The following SMYD3 variants were observed in gnomAD, a reference collection of about 807,000 sequenced individuals.
The protein encoded by SMYD3 is SET and MYND domain containing 3.
In SMYD3, 36 loss-of-function variants were observed where a neutral mutation model predicts 57.7. That is an observed-to-expected ratio of 0.62 (90% CI 0.48 to 0.82). The LOEUF (loss-of-function observed/expected upper bound fraction) is 0.82, where lower values mean the gene tolerates loss of function less well. Among genes scored for constraint, SMYD3 ranks in the 40% least tolerant of loss-of-function variants. The probability of loss-of-function intolerance (pLI) is 0.00; values close to 1 mark genes in which losing one functional copy is unlikely to be tolerated. For synonymous variants in SMYD3, 211 were observed against 195.0 expected, an observed-to-expected ratio of 1.08 and a Z score of -0.68; for missense variants, 515 against 538.8, an observed-to-expected ratio of 0.96 and a Z score of 0.44.
At chr1:246,014,051 G>A (rs1323652481) in intron 5 of SMYD3, among the ~76,000 whole-genome samples, 3 of 152,240 alleles carry the variant, frequency 2.0e-5, no homozygotes, top group South Asian at 2.1e-4. Context: ...TCGGCCAGGC[G>A]TGGTGGCTCA....
chr1:246,478,615 G>A (rs1280640627), intron 1 of SMYD3, among the ~76,000 whole-genome samples: 1 of 114,950 alleles, frequency 8.7e-6, no homozygotes, highest in African/African-American at 4.0e-5. Flanking sequence ...CCTGGAGCTG[G>A]TACGTAAGTG....
chr1:246,082,363 C>T lies in SMYD3; in HGVS notation c.532-152426G>A, dbSNP rs114047069. Among the ~76,000 whole-genome samples the T allele has an allele frequency of 7.7e-3, 1,169 of 152,260 alleles. 20 individuals are homozygous for T. Among genetic ancestry groups the T allele is most frequent in the African/African-American group, 0.027 (1,118 of 41,540 alleles). ...AGTACCTAAGATTGGTCTTTCGAAA[C>T]GTTTTTCAGACGTTAGCATGCTGGC... is the stretch of plus-strand genomic sequence containing the variant. On this transcript the variant is annotated intron_variant, in intron 5 of 11. Coordinates refer to ENST00000490107, the MANE Select transcript of SMYD3 (RefSeq NM_001167740.2).
At chr1:245,874,271 T>G (rs2052373149) in intron 8 of SMYD3, among the ~76,000 whole-genome samples, 1 of 152,224 alleles carries the variant, frequency 6.6e-6, no homozygotes, top group South Asian at 2.1e-4. Context: ...AACATTTGTA[T>G]GTATAATGAT....
At chr1:246,334,361 A>G (rs1015192621) in intron 3 of SMYD3, among the ~76,000 whole-genome samples, 1 of 152,260 alleles carries the variant, frequency 6.6e-6, no homozygotes, top group African/African-American at 2.4e-5. Flanking sequence ...CATAAACACT[A>G]TGAAATACCA....
intron 5 of SMYD3, among the ~76,000 whole-genome samples, chr1:246,243,052 A>G (rs1044926790): frequency 6.6e-6 from 1 of 152,204 alleles, no homozygotes; most frequent in Non-Finnish European, 1.5e-5. Context: ...AATGAGACAG[A>G]AAGTTAACAA....
At chr1:246,317,013 A>T (rs2065172430) in intron 5 of SMYD3, among the ~76,000 whole-genome samples, 1 of 151,602 alleles carries the variant, frequency 6.6e-6, no homozygotes, top group Non-Finnish European at 1.5e-5. Context: ...ATAAATAAAT[A>T]AAATAAAAAT....
chr1:245,918,978 A>G (rs1558493486), intron 7 of SMYD3, among the ~76,000 whole-genome samples: 9 of 152,162 alleles, frequency 5.9e-5, no homozygotes. Context: ...GCCAAAACTC[A>G]TGAGTGATCT....
At chr1:245,970,111 G>T (rs2058259419) in intron 5 of SMYD3, among the ~76,000 whole-genome samples, 1 of 152,168 alleles carries the variant, frequency 6.6e-6, no homozygotes, top group Admixed American at 6.5e-5. Flanking sequence ...TACCAAAACA[G>T]ACGTATAGAC....
At chr1:246,067,734 G>C (rs1399703098) in intron 5 of SMYD3, among the ~76,000 whole-genome samples, 1 of 152,124 alleles carries the variant, frequency 6.6e-6, no homozygotes, top group Non-Finnish European at 1.5e-5. Flanking sequence ...ACTGCACAGC[G>C]ACGATTTACA....
At chr1:246,045,569 T>C (rs903583606) in intron 5 of SMYD3, among the ~76,000 whole-genome samples, 2 of 152,018 alleles carry the variant, frequency 1.3e-5, no homozygotes, top group South Asian at 2.1e-4. Context: ...GACATAGGCA[T>C]GGGCAAGACT....
chr1:245,772,667 A>C (rs1272431868), intron 10 of SMYD3, among the ~76,000 whole-genome samples: 1 of 147,138 alleles, frequency 6.8e-6, no homozygotes, highest in Non-Finnish European at 1.5e-5. Context: ...CTCTACAAAT[A>C]AATACATATT....
intron 5 of SMYD3, among the ~76,000 whole-genome samples, chr1:245,943,095 A>G (rs756453235): frequency 1.3e-5 from 2 of 151,072 alleles, no homozygotes; most frequent in African/African-American, 2.4e-5. Context: ...CCACGAGCAA[A>G]CAAACCCCAA....
chr1:246,211,797 C>A (rs922971944), intron 5 of SMYD3, among the ~76,000 whole-genome samples: 1 of 151,812 alleles, frequency 6.6e-6, no homozygotes, highest in African/African-American at 2.4e-5. Context: ...TGGTGGAATC[C>A]AACAAGGTGG....
At chr1:246,234,006 A>ATG (rs2063470269) in intron 5 of SMYD3, among the ~76,000 whole-genome samples, 4 of 142,382 alleles carry the variant, frequency 2.8e-5, no homozygotes, top group African/African-American at 7.8e-5. Context: ...AACATATACC[A>ATG]CACAGAGGAG....
Position 246,320,960 on chromosome 1 carries a change from G to C in SMYD3, c.531+6241C>G, listed in dbSNP as rs142931195. ...GTGTGAGAAAGATTTCCATCATCAA[G>C]GGAAGCCTACTTTTACATTTCCCAC... On this transcript the variant is annotated intron_variant, in intron 5 of 11. Coordinates refer to ENST00000490107, the MANE Select transcript of SMYD3 (RefSeq NM_001167740.2). Among the ~76,000 whole-genome samples, 45 of 152,282 alleles carry C rather than the reference G, an allele frequency of 3.0e-4. No individual in the cohort carries two copies. In the East Asian group the frequency reaches 7.1e-3, roughly 24 times the overall value.
At chr1:246,342,085 T>A (rs1007448040) in intron 2 of SMYD3, among the ~76,000 whole-genome samples, 1 of 152,218 alleles carries the variant, frequency 6.6e-6, no homozygotes, top group Non-Finnish European at 1.5e-5. Flanking sequence ...AGGCTTACAA[T>A]CATTGAAAAT....
At chr1:245,965,225 G>A (rs893323367) in intron 5 of SMYD3, among the ~76,000 whole-genome samples, 1 of 152,158 alleles carries the variant, frequency 6.6e-6, no homozygotes, top group Non-Finnish European at 1.5e-5. Context: ...TTATGTATAA[G>A]TGAAATGAAT....
At chr1:245,823,321 GCA>G (rs34441487) in intron 10 of SMYD3, among the ~76,000 whole-genome samples, 23,854 of 146,740 alleles carry the variant, frequency 0.16, 2,105 homozygotes, top group East Asian at 0.27. Context: ...ACGTGCGTGT[GCA>G]CACACACACG....
intron 8 of SMYD3, among the ~76,000 whole-genome samples, chr1:245,870,709 A>G (rs1436202996): frequency 6.6e-6 from 1 of 152,198 alleles, no homozygotes; most frequent in Non-Finnish European, 1.5e-5. Flanking sequence ...TGGGAAGTTT[A>G]CCTGCCAGAT....
Sources: allele counts gnomAD v4.1 joint callset (sites outside exome capture counted in the v4.1 genomes callset), GRCh38; gene constraint gnomAD v4.1.1; transcripts MANE v1.5; gene names NCBI Gene and HGNC (gene_info 2026-07-23, HGNC 2026-07-21).